Variants in PARL observed in about 807,000 individuals in gnomAD.
The protein encoded by PARL is presenilin associated rhomboid like, also known as presenilin-associated rhomboid-like protein, mitochondrial.
PARL carries 44 observed loss-of-function variants against 51.6 expected under a neutral mutation model. The observed-to-expected ratio is 0.85, with a 90% confidence interval of 0.67 to 1.10. The LOEUF is 1.10. Among genes scored for constraint, PARL ranks in the 50% least tolerant of loss-of-function variants. The pLI, the probability that PARL is intolerant of heterozygous loss-of-function variation, is 0.00. For synonymous variants in PARL, 172 were observed against 164.0 expected (o/e 1.05, Z -0.37); for missense variants, 441 against 469.5 (o/e 0.94, Z 0.56).
chr3:183,829,732 C>G, intron 9 of PARL, 23 bp from the exon 10 acceptor site: 1 of 1,584,966 alleles, frequency 6.3e-7, no homozygotes, highest in Non-Finnish European at 8.7e-7. Flanking sequence ...AAACCAGGTC[C>G]GACATTCAAA....
intron 9 of PARL, 34 bp downstream of exon 9, chr3:183,833,458 A>AAGCAGTTT: frequency 7.7e-7 from 1 of 1,294,510 alleles, no homozygotes; most frequent in Non-Finnish European, 1.1e-6. Context: ...TGACCCAAGG[A>AAGCAGTTT]AGCAGTTTAG....
At chr3:183,870,336 T>C (rs1733047045) in intron 1 of PARL, among the ~76,000 whole-genome samples, 2 of 149,900 alleles carry the variant, frequency 1.3e-5, no homozygotes, top group South Asian at 4.3e-4. Context: ...CTTATTCAAT[T>C]AAAAGCCAAC....
At chr3:183,836,961 G>A (rs1728675428) in intron 7 of PARL, among the ~76,000 whole-genome samples, 3 of 152,046 alleles carry the variant, frequency 2.0e-5, no homozygotes, top group African/African-American at 4.8e-5. Context: ...GGCTGGTTTC[G>A]AACTCCTGGC....
intron 7 of PARL, among the ~76,000 whole-genome samples, chr3:183,839,889 C>T (rs1410654241): frequency 6.6e-6 from 1 of 152,108 alleles, no homozygotes; most frequent in East Asian, 1.9e-4. Flanking sequence ...TAAGCCACCA[C>T]CCCCAGTTAA....
intron 9 of PARL, among the ~76,000 whole-genome samples, chr3:183,832,327 T>C (rs1041642797): frequency 2.6e-5 from 4 of 151,854 alleles, no homozygotes; most frequent in Admixed American, 2.6e-4. Context: ...CACACCATTC[T>C]CCTGCCTCAG....
intron 1 of PARL, among the ~76,000 whole-genome samples, chr3:183,869,319 T>C (rs143704223): frequency 2.5e-4 from 38 of 152,230 alleles, no homozygotes; most frequent in African/African-American, 7.9e-4. Flanking sequence ...GTGATTCTCC[T>C]GCCTCAGCAT....
At chr3:183,848,891 G>A (rs1391717108) in intron 4 of PARL, among the ~76,000 whole-genome samples, 1 of 152,088 alleles carries the variant, frequency 6.6e-6, no homozygotes, top group Non-Finnish European at 1.5e-5. Flanking sequence ...CATATTCCTG[G>A]ACTCTACAAG....
At chr3:183,837,630 C>T (rs970746581) in intron 7 of PARL, among the ~76,000 whole-genome samples, 4 of 152,168 alleles carry the variant, frequency 2.6e-5, no homozygotes, top group African/African-American at 7.2e-5. Flanking sequence ...GGAACCTGGA[C>T]GTCTACTCCT....
Position 183,884,799 on chromosome 3 carries a change from C to G in PARL, c.48G>C (p.Ala16=). 2 of 1,595,066 alleles carry G rather than the reference C, an allele frequency of 1.3e-6. No individual in the cohort carries two copies. The highest frequency in any genetic ancestry group is 8.5e-7 in the Non-Finnish European group (1 of 1,177,608). ...TGCGGCCGCCCACCGACGCACCCCA[C>G]GCCTGGCCGCAGCCCCAGCCTCTCT... The part of the protein sequence containing the change: ...WAQRGWGCGQ[A]WGASVGGRSC... Residue 16 remains alanine (A), a synonymous_variant, in exon 1 of 10, where the codon GCG becomes GCC. Transcript: ENST00000317096.
intron 7 of PARL, among the ~76,000 whole-genome samples, chr3:183,834,308 A>T (rs1728298493): frequency 6.6e-6 from 1 of 152,250 alleles, no homozygotes; most frequent in Admixed American, 6.5e-5. Context: ...TAATTCCAGC[A>T]CAGTGTGAGG....
intron 4 of PARL, among the ~76,000 whole-genome samples, chr3:183,859,010 C>T (rs1731485611): frequency 6.6e-6 from 1 of 151,984 alleles, no homozygotes; most frequent in Non-Finnish European, 1.5e-5. Context: ...ACAGAACAGT[C>T]AAAAACTACA....
rs368236493 is a variant in PARL, at chr3:183,884,725, C to A, written c.122G>T (p.Arg41Leu). 1.8e-5 allele frequency: 29 copies of A among 1,589,340 alleles called. No homozygotes were observed. Among genetic ancestry groups the A allele is most frequent in the African/African-American group, 2.7e-5 (2 of 74,432 alleles). The change falls in exon 1 of 10, where the codon CGC (arginine) becomes CTC (leucine). Residue 41 changes from arginine (R) to leucine (L), a missense_variant. By Grantham distance (102) the Arg-to-Leu change is moderately radical. Transcript: ENST00000317096. Reference sequence around the variant, plus strand: ...ACCAGAGCGCGGCGGCTATTACCTGCGTCCGAGGAGCTGCGGCGGGGTTAG... The same window carrying A: ...ACCAGAGCGCGGCGGCTATTACCTGAGTCCGAGGAGCTGCGGCGGGGTTAG... ...AVLTPPQLLG[R>L]RFNFFIQQKC...
intron 4 of PARL, 85 bp downstream of exon 4, chr3:183,862,668 C>G (rs761514512): frequency 4.5e-5 from 45 of 995,126 alleles, no homozygotes; most frequent in Non-Finnish European, 7.1e-5. Context: ...GAGCATGGTA[C>G]AAGAGCCATT....
chr3:183,844,239 G>A lies in PARL; in HGVS notation c.599C>T (p.Pro200Leu), dbSNP rs973786882. Residue 200 changes from proline (P) to leucine (L), a missense_variant, in exon 5 of 10, where the codon CCA (proline) becomes CTA (leucine). Physicochemically the swap from Pro to Leu is moderately conservative, Grantham distance 98. Coordinates refer to ENST00000317096, the MANE Select transcript of PARL (RefSeq NM_018622.7). The part of the protein sequence containing the change: ...RTMIRYFTSN[P>L]ASKVLCSPML... The stretch of plus-strand genomic sequence containing the variant: ...ACACAAGTTAGACTTACTTGAGGCT[G>A]GATTCGATGTGAAATATCTGATCAT... The A allele has an allele frequency of 1.9e-6, 3 of 1,586,178 alleles. No homozygotes were observed. Among genetic ancestry groups the A allele is most frequent in the Non-Finnish European group, 1.7e-6 (2 of 1,155,794 alleles).
At chr3:183,834,068 C>T (rs73887531) in intron 7 of PARL, among the ~76,000 whole-genome samples, 1 of 152,342 alleles carries the variant, frequency 6.6e-6, no homozygotes, top group African/African-American at 2.4e-5. Context: ...ATGTATGTGC[C>T]TCATGAACCG....
At chr3:183,870,059 C>T (rs1390393906) in intron 1 of PARL, among the ~76,000 whole-genome samples, 1 of 149,678 alleles carries the variant, frequency 6.7e-6, no homozygotes, top group Non-Finnish European at 1.5e-5. Flanking sequence ...AGGTGGATCA[C>T]GAGGTCAGGA....
chr3:183,875,415 CAAAAAAAA>C (rs61316689), intron 1 of PARL, among the ~76,000 whole-genome samples: 2 of 60,150 alleles, frequency 3.3e-5, no homozygotes, highest in African/African-American at 7.2e-5. Flanking sequence ...ACTCTGTCTC[CAAAAAAAA>C]AAAAAAAAAA....
chr3:183,834,069 TCATGAACCG>T lies in PARL; in HGVS notation c.829-253_829-245del, dbSNP rs1728272412. 3.9e-5 allele frequency among the ~76,000 whole-genome samples: 6 copies of T among 152,206 alleles called. No homozygotes were observed. The South Asian group carries it at 1.2e-3, about 31-fold the overall frequency. ...TACGGGGCAGTAAGATGTATGTGCC[TCATGAACCG>T]CAAGGACAGTGCTAAGCGTGTCATG... On this transcript the variant is annotated intron_variant, in intron 7 of 9. Coordinates refer to ENST00000317096, the MANE Select transcript of PARL (RefSeq NM_018622.7).
intron 4 of PARL, among the ~76,000 whole-genome samples, chr3:183,845,956 G>T (rs1729899143): frequency 1.3e-5 from 2 of 152,132 alleles, no homozygotes; most frequent in South Asian, 4.1e-4. Flanking sequence ...CAGGGCTTTG[G>T]TGTTTTATTC....
Sources: allele counts gnomAD v4.1 joint callset (sites outside exome capture counted in the v4.1 genomes callset), GRCh38; gene constraint gnomAD v4.1.1; transcripts MANE v1.5; gene names NCBI Gene and HGNC (gene_info 2026-07-23, HGNC 2026-07-21).